The following HCN4 variants were observed in gnomAD, a reference collection of about 807,000 sequenced individuals.
The protein encoded by HCN4 is potassium/sodium hyperpolarization-activated cyclic nucleotide-gated channel 4.
A neutral mutation model predicts 76.9 loss-of-function variants in HCN4; 29 were observed. The ratio of observed to expected loss-of-function variants is 0.38; its 90% CI spans 0.28 to 0.51. The LOEUF is 0.51. Ranked by LOEUF, HCN4 falls within the 20% of genes least tolerant of loss-of-function variation. The pLI is 0.90. For missense variants in HCN4, 1,416 were observed against 1,715.2 expected (o/e 0.83, Z 3.08); for synonymous variants, 772 against 762.5 (o/e 1.01, Z -0.21).
chr15:73,353,053 G>A (rs2043062216), intron 1 of HCN4, among the ~76,000 whole-genome samples: 1 of 152,148 alleles, frequency 6.6e-6, no homozygotes. Context: ...TGGATGGACG[G>A]ACGGACGGGA....
chr15:73,326,924 C>T (rs2042903862), intron 4 of HCN4, among the ~76,000 whole-genome samples: 2 of 151,452 alleles, frequency 1.3e-5, no homozygotes, highest in Non-Finnish European at 2.9e-5. Flanking sequence ...ACAGCTGGCA[C>T]TATAGGCACA....
rs577795001 is a variant in HCN4, at chr15:73,331,036, A to T, written c.1371+1095T>A. ...GGTCTCTTTCACCTCTTTCAAAGCC[A>T]ATTTTTCCTCCCCTGGGGCCCTGGG... On this transcript the variant is annotated intron_variant, in intron 3 of 7. Coordinates refer to ENST00000261917, the MANE Select transcript of HCN4 (RefSeq NM_005477.3). 3.3e-5 allele frequency among the ~76,000 whole-genome samples: 5 copies of T among 152,282 alleles called. No individual in the cohort carries two copies. The East Asian group carries it at 7.7e-4, about 24-fold the overall frequency.
At chr15:73,332,359 C>T in intron 2 of HCN4, 67 bp from the exon 3 acceptor site, 1 of 1,530,608 alleles carries the variant, frequency 6.5e-7, no homozygotes, top group Middle Eastern at 1.7e-4. Context: ...GGCCACTTTC[C>T]CTGCCCTGGA....
chr15:73,333,882 G>A (rs492362), intron 2 of HCN4, among the ~76,000 whole-genome samples: 73,681 of 152,046 alleles, frequency 0.48, 18,224 homozygotes, highest in East Asian at 0.55. Context: ...CCAAGATCAC[G>A]GTGGCAGTGG....
In HCN4 at chr15:73,324,940, C is replaced by T. The variant is rs763893227; in HGVS notation, c.1978+15G>A. 1 of 1,613,752 alleles carries T rather than the reference C, an allele frequency of 6.2e-7. No homozygotes were observed. The highest frequency in any genetic ancestry group is 2.2e-5 in the East Asian group (1 of 44,846). ...GAGCAGCTGCCCTGTCCCCCAGGGC[C>T]CAGGGCTGCCTCACCTCCAAAGTAG... On this transcript the variant is annotated intron_variant, in intron 6 of 7. Coordinates refer to ENST00000261917, the MANE Select transcript of HCN4 (RefSeq NM_005477.3).
At chr15:73,350,290 G>T (rs923621810) in intron 1 of HCN4, among the ~76,000 whole-genome samples, 3 of 152,092 alleles carry the variant, frequency 2.0e-5, no homozygotes, top group African/African-American at 4.8e-5. Flanking sequence ...TCCTGGCACC[G>T]TCATGAAATC....
rs775527215 is a variant in HCN4 at position 73,325,409 on chromosome 15, C to T, written c.1626G>A (p.Lys542=). 9.9e-6 allele frequency: 16 copies of T among 1,614,000 alleles called. No homozygotes were observed. The South Asian group carries it at 1.8e-4, about 18-fold the overall frequency. ...TGCGCTGCCGGGTGTCGGGCGGGAG[C>T]TTGTGAAAGGACATGTACTGCTCCA... ...KQVEQYMSFH[K]LPPDTRQRIH... The change falls in exon 5 of 8, where the codon AAG becomes AAA. Residue 542 remains lysine (K), a synonymous_variant. Coordinates refer to ENST00000261917, the MANE Select transcript of HCN4 (RefSeq NM_005477.3). This position sits in a 1 kb window ranked among gnomAD's most constrained non-coding sequence, Gnocchi z 7.4.
rs770161577 is a variant in HCN4, at chr15:73,322,865, G to A, written c.3228C>T (p.Pro1076=). ...PQRRGTPPLT[P]GRLTQDLKLI... The stretch of plus-strand genomic sequence containing the variant: ...GCTTGAGGTCCTGGGTGAGGCGGCC[G>A]GGGGTGAGCGGGGGTGTGCCCCGGC... Residue 1076 remains proline (P), a synonymous_variant, in exon 8 of 8, where the codon CCC becomes CCT. Coordinates refer to ENST00000261917, the MANE Select transcript of HCN4 (RefSeq NM_005477.3). 28 of 1,476,828 alleles carry A rather than the reference G, an allele frequency of 1.9e-5. No individual in the cohort carries two copies. The highest frequency in any genetic ancestry group is 1.1e-4 in the African/African-American group (8 of 71,656). The allele number at this position is 1,476,828 out of a possible 1,614,324, so 91.5% of individuals were successfully genotyped here.
In HCN4 at chr15:73,325,362, C is replaced by T. The variant is rs775478779; in HGVS notation, c.1673G>A (p.Arg558His). Residue 558 changes from arginine to histidine, a missense_variant, in exon 5 of 8, where the codon CGC (arginine) becomes CAC (histidine). Transcript: ENST00000261917. The surrounding 1 kb of genome is among the most constrained non-coding windows in gnomAD (Gnocchi z 7.4). ...CTCGTCGAACATCTTGCCCTGGTAG[C>T]GGTGCTCGTAGTAGTCGTGGATGCG... is the stretch of plus-strand genomic sequence containing the variant. ...RQRIHDYYEHRYQGKMFDEES... is the reference protein window; with the variant it reads ...RQRIHDYYEHHYQGKMFDEES... The T allele has an allele frequency of 2.5e-6, 4 of 1,614,100 alleles. No individual in the cohort carries two copies. The highest frequency in any genetic ancestry group is 3.4e-6 in the Non-Finnish European group (4 of 1,179,986).
Position 73,322,379 on chromosome 15 carries a change from A to C in HCN4, c.*102T>G, listed in dbSNP as rs2042864542. On this transcript the variant is annotated 3_prime_UTR_variant, in exon 8 of 8. Coordinates refer to ENST00000261917, the MANE Select transcript of HCN4 (RefSeq NM_005477.3). ...TTTTTCTGGTGTGTGTGGTTTTTTA[A>C]ATAATTATTACTGTTATTGGTATAT... 5 of 990,120 alleles carry C rather than the reference A, an allele frequency of 5.0e-6. No homozygotes were observed. Among genetic ancestry groups the C allele is most frequent in the African/African-American group, 1.6e-5 (1 of 62,260 alleles). 61.3% of individuals were successfully genotyped at this position (990,120 alleles called of 1,614,324 possible).
intron 6 of HCN4, 88 bp downstream of exon 6, chr15:73,324,867 G>GTGC: frequency 6.5e-7 from 1 of 1,533,164 alleles, no homozygotes; most frequent in Non-Finnish European, 8.9e-7. Context: ...GCCAAGAAGG[G>GTGC]TGCTCACTGC....
chr15:73,349,345 T>C (rs115108369), intron 1 of HCN4, among the ~76,000 whole-genome samples: 1,671 of 151,986 alleles, frequency 0.011, 25 homozygotes, highest in African/African-American at 0.037. Flanking sequence ...TTATTTAATC[T>C]TCATTAAAAA....
At chr15:73,331,805 C>T (rs2042934563) in intron 3 of HCN4, among the ~76,000 whole-genome samples, 1 of 152,116 alleles carries the variant, frequency 6.6e-6, no homozygotes, top group African/African-American at 2.4e-5. Context: ...CAGGAGCTGC[C>T]AGCCCAGCAT....
intron 3 of HCN4, 104 bp from the exon 4 acceptor site, chr15:73,329,895 T>A: frequency 1.0e-6 from 1 of 958,200 alleles, no homozygotes; most frequent in Non-Finnish European, 1.6e-6. Flanking sequence ...ACTTTCTCAG[T>A]GGCTGGGCCC....
chr15:73,338,653 T>G (rs1415509281), intron 2 of HCN4, among the ~76,000 whole-genome samples: 1 of 152,160 alleles, frequency 6.6e-6, no homozygotes, highest in African/African-American at 2.4e-5. Flanking sequence ...GGCCAGAAAT[T>G]GGAGGTCTGG....
chr15:73,328,630 C>G lies in HCN4; in HGVS notation c.1590+943G>C, dbSNP rs760247980. 6.6e-6 allele frequency among the ~76,000 whole-genome samples: 1 copy of G among 152,070 alleles called. No individual in the cohort carries two copies. Among genetic ancestry groups the G allele is most frequent in the Non-Finnish European group, 1.5e-5 (1 of 68,018 alleles). ...CACCCCCGCCCTGCAGATGAGGAAA[C>G]GGGGCCTCACGCTGTGGAGGCACAG... On this transcript the variant is annotated intron_variant, in intron 4 of 7. Transcript: ENST00000261917. The surrounding 1 kb of genome is among the most constrained non-coding windows in gnomAD (Gnocchi z 4.0).
In HCN4 at chr15:73,367,965, C is replaced by A. The variant is rs1595837527; in HGVS notation, c.306G>T (p.Ser102=). The A allele has an allele frequency of 2.2e-6, 3 of 1,346,958 alleles. No homozygotes were observed. In the East Asian group the frequency reaches 9.1e-5, roughly 41 times the overall value. 83.4% of individuals were successfully genotyped at this position (1,346,958 alleles called of 1,614,324 possible). A position where few individuals can be genotyped will look rare whatever the true frequency, so the allele number is the denominator to read the frequency against. The change falls in exon 1 of 8, where the codon TCG becomes TCT. Residue 102 remains serine, a synonymous_variant. Transcript: ENST00000261917. This position sits in a 1 kb window ranked among gnomAD's most constrained non-coding sequence, Gnocchi z 7.5. The part of the protein sequence containing the change: ...DCRRFRGSLA[S]LGSRGGGSGG... Reference sequence around the variant, plus strand: ...CGCTGCCGCCGCCCCGGCTGCCCAGCGAGGCCAGGCTCCCGCGGAAGCGCC... The same window carrying A: ...CGCTGCCGCCGCCCCGGCTGCCCAGAGAGGCCAGGCTCCCGCGGAAGCGCC...
intron 1 of HCN4, among the ~76,000 whole-genome samples, chr15:73,353,266 G>T (rs1281413400): frequency 6.6e-6 from 1 of 152,116 alleles, no homozygotes; most frequent in Admixed American, 6.5e-5. Context: ...TTAAACAATG[G>T]CCAGCGCCCT....
chr15:73,323,100 G>A lies in HCN4; in HGVS notation c.2993C>T (p.Pro998Leu), dbSNP rs774274351. 3 of 1,590,600 alleles carry A rather than the reference G, an allele frequency of 1.9e-6. No individual in the cohort carries two copies. Among genetic ancestry groups the A allele is most frequent in the South Asian group, 1.1e-5 (1 of 87,590 alleles). Residue 998 changes from proline to leucine, a missense_variant, in exon 8 of 8, where the codon CCA becomes CTA. Transcript: ENST00000261917. ...TGPLSTPETP[P>L]RQPEPPSLVA... ...AAGGGACGGCGGCTCAGGCTGCCGTGGGGGTGTCTCTGGCGTGCTCAGTGG... is the reference window on the plus strand; with the variant it reads ...AAGGGACGGCGGCTCAGGCTGCCGTAGGGGTGTCTCTGGCGTGCTCAGTGG...
Sources: gnomAD v4.1 joint callset for allele counts (sites outside exome capture counted in the v4.1 genomes callset) on GRCh38, gnomAD v4.1.1 for gene constraint, Gnocchi (gnomAD v3.1) non-coding constraint, MANE v1.5 for transcripts, NCBI Gene and HGNC (gene_info 2026-07-23, HGNC 2026-07-21) for gene names.